SHROOM3: variants seen among roughly 807,000 people sequenced by gnomAD.
The protein encoded by SHROOM3 is shroom family member 3.
In SHROOM3, 47 loss-of-function variants were observed where a neutral mutation model predicts 138.6. The observed-to-expected ratio is 0.34, with a 90% CI of 0.27 to 0.43. The LOEUF is 0.43. SHROOM3 is among the 20% of genes least tolerant of loss of function. The pLI, the probability that SHROOM3 is intolerant of heterozygous loss-of-function variation, is 1.00. For missense variants in SHROOM3, 2,491 were observed against 2,596.5 expected (o/e 0.96, Z 0.88); for synonymous variants, 1,062 against 1,063.3 (o/e 1.00, Z 0.02).
chr4:76,740,089 G>T lies in SHROOM3; in HGVS notation c.1916G>T (p.Trp639Leu), dbSNP rs1560608185. 16 of 1,613,660 alleles carry T rather than the reference G, an allele frequency of 9.9e-6. No individual in the cohort carries two copies. Among genetic ancestry groups the T allele is most frequent in the Non-Finnish European group, 1.4e-5 (16 of 1,180,040 alleles). The change falls in exon 5 of 11, where the codon TGG becomes TTG. Residue 639 changes from tryptophan to leucine, a missense_variant. Physicochemically the swap from Trp to Leu is moderately conservative, Grantham distance 61. Transcript: ENST00000296043. The surrounding 1 kb of genome is among the most constrained non-coding windows in gnomAD (Gnocchi z 4.0). Reference sequence around the variant, plus strand: ...CAGGAAGACCACAATGCCAACCTCTGGAGGAGGCTGGAGAGAGAAGGCCTA... The same window carrying T: ...CAGGAAGACCACAATGCCAACCTCTTGAGGAGGCTGGAGAGAGAAGGCCTA... ...DFQEDHNANL[W>L]RRLEREGLGQ...
At position 76,608,616 on chromosome 4, in the gene SHROOM3, ACAGAGATG is replaced by A. The variant is rs1560563225; in HGVS notation, c.323+52854_323+52861del. Among the ~76,000 whole-genome samples, 107 of 101,496 alleles carry A rather than the reference ACAGAGATG, an allele frequency of 1.1e-3. 4 individuals carry two copies. Among genetic ancestry groups the A allele is most frequent in the African/African-American group, 2.5e-3 (67 of 27,238 alleles). 66.6% of individuals were successfully genotyped at this position (101,496 alleles called of 152,430 possible). Reference sequence around the variant, plus strand: ...ATAGCATAGCATAGCATAGCATTGGACAGAGATGGTATAGCATAGCATAGCATAGCATA... The same window carrying A: ...ATAGCATAGCATAGCATAGCATTGGAGTATAGCATAGCATAGCATAGCATA... On this transcript the variant is annotated intron_variant, in intron 2 of 10. Coordinates refer to ENST00000296043, the MANE Select transcript of SHROOM3 (RefSeq NM_020859.4).
At chr4:76,531,312 G>A (rs150431375) in intron 1 of SHROOM3, among the ~76,000 whole-genome samples, 2 of 152,284 alleles carry the variant, frequency 1.3e-5, no homozygotes, top group African/African-American at 2.4e-5. Context: ...GGAGCTGTGC[G>A]TGAGAATTTT....
rs558246624 is a variant in SHROOM3, at chr4:76,773,569, T to C, written c.5622+2671T>C. Among the ~76,000 whole-genome samples, 350 of 152,194 alleles carry C rather than the reference T, an allele frequency of 2.3e-3. 2 individuals are homozygous for C. The highest frequency in any genetic ancestry group is 8.1e-3 in the African/African-American group (336 of 41,532). On this transcript the variant is annotated intron_variant, in intron 10 of 10. Transcript: ENST00000296043. Reference sequence around the variant, plus strand: ...ATCAGCAGCAAAGCCATTATGGGCCTCTTTCTGAAGGGACAAGGAGAAGGG... The same window carrying C: ...ATCAGCAGCAAAGCCATTATGGGCCCCTTTCTGAAGGGACAAGGAGAAGGG...
chr4:76,692,295 T>C (rs1719577214), intron 2 of SHROOM3, among the ~76,000 whole-genome samples: 1 of 152,210 alleles, frequency 6.6e-6, no homozygotes, highest in African/African-American at 2.4e-5. Flanking sequence ...GCATGAACAA[T>C]GGTCATTCAT....
At chr4:76,631,261 T>C (rs1735312448) in intron 2 of SHROOM3, among the ~76,000 whole-genome samples, 1 of 138,420 alleles carries the variant, frequency 7.2e-6, no homozygotes, top group African/African-American at 2.7e-5. Context: ...CAGGCTGGAG[T>C]GTAGTGGTGC....
chr4:76,740,256 T>G lies in SHROOM3; in HGVS notation c.2083T>G (p.Cys695Gly). 6.2e-7 allele frequency: 1 copy of G among 1,613,254 alleles called. No homozygotes were observed. Reference sequence around the variant, plus strand: ...GGGTTACCCCGGGGGCAGGCCCACCTGTGCAGTCAACACCAAGGCAGAAGA... The same window carrying G: ...GGGTTACCCCGGGGGCAGGCCCACCGGTGCAGTCAACACCAAGGCAGAAGA... ...QEGYPGGRPT[C>G]AVNTKAEDPG... Residue 695 changes from cysteine to glycine, a missense_variant, in exon 5 of 11, where the codon TGT becomes GGT. By Grantham distance (159) the Cys-to-Gly change is radical. Around this residue, in one of 4 missense-constraint regions of SHROOM3, gnomAD observed 1,733 missense variants for 1,661.6 expected, o/e 1.04. Coordinates refer to ENST00000296043, the MANE Select transcript of SHROOM3 (RefSeq NM_020859.4). The surrounding 1 kb of genome is among the most constrained non-coding windows in gnomAD (Gnocchi z 4.0).
intron 1 of SHROOM3, among the ~76,000 whole-genome samples, chr4:76,513,520 G>T (rs1308248142): frequency 6.6e-6 from 1 of 152,080 alleles, no homozygotes; most frequent in Non-Finnish European, 1.5e-5. Context: ...TACCATGTTG[G>T]TCAGGCTGGT....
At chr4:76,722,401 C>T (rs1421421373) in intron 3 of SHROOM3, among the ~76,000 whole-genome samples, 3 of 151,978 alleles carry the variant, frequency 2.0e-5, no homozygotes, top group Non-Finnish European at 4.4e-5. Flanking sequence ...AGCAAACTAA[C>T]GCAGGAACAG....
At chr4:76,558,351 C>T (rs986195172) in intron 2 of SHROOM3, among the ~76,000 whole-genome samples, 10 of 152,144 alleles carry the variant, frequency 6.6e-5, no homozygotes, top group African/African-American at 2.4e-4. Context: ...TCATTCTTAC[C>T]TTGAAAGGGC....
At chr4:76,605,974 C>CATATATAT (rs1239691520) in intron 2 of SHROOM3, among the ~76,000 whole-genome samples, 1 of 130,286 alleles carries the variant, frequency 7.7e-6, no homozygotes, top group Admixed American at 8.0e-5. Context: ...TATATATACA[C>CATATATAT]ATATACACAC....
intron 1 of SHROOM3, among the ~76,000 whole-genome samples, chr4:76,523,390 G>T (rs569739462): frequency 6.6e-5 from 10 of 152,266 alleles, no homozygotes; most frequent in African/African-American, 2.4e-4. Context: ...GGGGGACACT[G>T]TTCAACCCAG....
chr4:76,700,053 G>GTTAAT (rs1719860158), intron 2 of SHROOM3, among the ~76,000 whole-genome samples: 1 of 152,144 alleles, frequency 6.6e-6, no homozygotes, highest in Non-Finnish European at 1.5e-5. Flanking sequence ...TGTCCACTCG[G>GTTAAT]CATATTTTTA....
At chr4:76,716,717 A>G (rs561661561) in intron 3 of SHROOM3, among the ~76,000 whole-genome samples, 136 of 152,268 alleles carry the variant, frequency 8.9e-4, no homozygotes, top group African/African-American at 3.2e-3. Context: ...ATCCCATTCA[A>G]ATTAACAAGT....
intron 9 of SHROOM3, among the ~76,000 whole-genome samples, chr4:76,763,963 T>C (rs1416941431): frequency 1.3e-5 from 2 of 152,230 alleles, no homozygotes; most frequent in East Asian, 1.9e-4. Flanking sequence ...CATTCTCCAA[T>C]ATTGTTTTGA....
At chr4:76,597,517 TCCCACAAATTCCCACGCA>T (rs780180279) in intron 2 of SHROOM3, among the ~76,000 whole-genome samples, 18 of 151,946 alleles carry the variant, frequency 1.2e-4, no homozygotes, top group Non-Finnish European at 2.6e-4. Context: ...GAGTAGAGGG[TCCCACAAATTCCCACGCA>T]CCCACCCTCC....
rs57079760 is a variant in SHROOM3, at chr4:76,570,156, AACACACACACAC to A, written c.323+14410_323+14421del. On this transcript the variant is annotated intron_variant, in intron 2 of 10. Transcript: ENST00000296043. ...CAACCCAAATGCTCAGAAATGTTAA[AACACACACACAC>A]ACACACACACACACACGCACACCAG... Among the ~76,000 whole-genome samples, 75 of 149,494 alleles carry A rather than the reference AACACACACACAC, an allele frequency of 5.0e-4. No individual in the cohort carries two copies. In the East Asian group the frequency reaches 0.012, roughly 24 times the overall value.
rs376657905 is a variant in SHROOM3, at chr4:76,469,594, C to G, written c.168+33374C>G. Among the ~76,000 whole-genome samples, 377 of 152,204 alleles carry G rather than the reference C, an allele frequency of 2.5e-3. 1 individual carries two copies. Among genetic ancestry groups the G allele is most frequent in the Non-Finnish European group, 4.2e-3 (284 of 67,996 alleles). On this transcript the variant is annotated intron_variant, in intron 1 of 10. Coordinates refer to ENST00000296043, the MANE Select transcript of SHROOM3 (RefSeq NM_020859.4). ...GCCTCAGCCTCCTGAGTAGCTGGGA[C>G]GTCAGGTGCATGCTGCCACACCCAG...
At chr4:76,594,229 G>T (rs1417266144) in intron 2 of SHROOM3, among the ~76,000 whole-genome samples, 2 of 152,192 alleles carry the variant, frequency 1.3e-5, no homozygotes, top group African/African-American at 4.8e-5. Flanking sequence ...CTAATCCTAT[G>T]TGCTCTTTTT....
chr4:76,487,531 T>G (rs150778666), intron 1 of SHROOM3, among the ~76,000 whole-genome samples: 8 of 152,324 alleles, frequency 5.3e-5, no homozygotes, highest in African/African-American at 1.7e-4. Flanking sequence ...CTTTTATATT[T>G]AAAGTCATCT....
Sources: gnomAD v4.1 joint callset for allele counts (sites outside exome capture counted in the v4.1 genomes callset) on GRCh38, gnomAD v4.1.1 for gene constraint, gnomAD v4.1.1 regional missense constraint, Gnocchi (gnomAD v3.1) non-coding constraint, MANE v1.5 for transcripts, NCBI Gene and HGNC (gene_info 2026-07-23, HGNC 2026-07-21) for gene names.